EYA2: variants seen among roughly 807,000 people sequenced by gnomAD.
The protein encoded by EYA2 is EYA transcriptional coactivator and phosphatase 2.
EYA2 carries 31 observed loss-of-function variants against 69.2 expected under a neutral mutation model. The observed-to-expected ratio is 0.45, with a 90% CI of 0.34 to 0.60. The LOEUF (loss-of-function observed/expected upper bound fraction) is 0.60. EYA2 is among the 20% of genes least tolerant of loss of function. The pLI is 0.02. For synonymous variants in EYA2, 257 were observed against 279.4 expected (o/e 0.92, Z 0.80); for missense variants, 622 against 701.2 (o/e 0.89, Z 1.28).
At chr20:47,096,454 G>A (rs2032248867) in intron 8 of EYA2, among the ~76,000 whole-genome samples, 1 of 152,180 alleles carries the variant, frequency 6.6e-6, no homozygotes, top group Non-Finnish European at 1.5e-5. Context: ...ATGGGAAAAG[G>A]TAGGGACTCC....
chr20:47,125,704 A>G (rs2033172353), intron 9 of EYA2, among the ~76,000 whole-genome samples: 1 of 152,226 alleles, frequency 6.6e-6, no homozygotes, highest in African/African-American at 2.4e-5. Flanking sequence ...GACACTTCCA[A>G]GAGATAAACC....
At chr20:47,028,247 C>G (rs1984208557) in intron 5 of EYA2, among the ~76,000 whole-genome samples, 1 of 152,224 alleles carries the variant, frequency 6.6e-6, no homozygotes, top group East Asian at 1.9e-4. Flanking sequence ...ACTTCTTGGA[C>G]TCCAGAACTA....
At position 47,188,305 on chromosome 20, in the gene EYA2, T is replaced by C; in HGVS notation, c.*172T>C. 1.6e-6 allele frequency: 1 copy of C among 635,122 alleles called. No individual in the cohort carries two copies. The highest frequency in any genetic ancestry group is 2.8e-6 in the Non-Finnish European group (1 of 359,906). 39.3% of individuals were successfully genotyped at this position (635,122 alleles called of 1,614,324 possible). A position where few individuals can be genotyped will look rare whatever the true frequency, so the allele number is the denominator to read the frequency against. ...AGCCGTCCATCAGTCCAAATGGGGG[T>C]TCTGAGAAGGAAAGTACCCAACATT... On this transcript the variant is annotated 3_prime_UTR_variant, in exon 16 of 16. Transcript: ENST00000327619.
At chr20:47,130,400 G>GA (rs1217793623) in intron 9 of EYA2, among the ~76,000 whole-genome samples, 1 of 149,616 alleles carries the variant, frequency 6.7e-6, no homozygotes, top group East Asian at 2.0e-4. Flanking sequence ...GAGTAGCTGG[G>GA]ACTACAGGCG....
intron 1 of EYA2, among the ~76,000 whole-genome samples, chr20:46,954,509 T>G (rs1269011344): frequency 6.6e-6 from 1 of 152,250 alleles, no homozygotes; most frequent in East Asian, 1.9e-4. Context: ...ACAAAAGATT[T>G]GCGTAGCACG....
intron 6 of EYA2, 114 bp from the exon 7 acceptor site, chr20:47,074,044 C>A: frequency 9.8e-7 from 1 of 1,023,960 alleles, no homozygotes; most frequent in Non-Finnish European, 1.4e-6. Flanking sequence ...AAGACAGTTT[C>A]TGCCCACAGA....
chr20:46,942,424 A>G (rs1367083698), intron 1 of EYA2, among the ~76,000 whole-genome samples: 3 of 151,922 alleles, frequency 2.0e-5, no homozygotes, highest in Non-Finnish European at 4.4e-5. Context: ...TACCATTTTT[A>G]GGGGGGGAAA....
chr20:46,895,756 C>T (rs529874924), intron 1 of EYA2, among the ~76,000 whole-genome samples: 1 of 152,244 alleles, frequency 6.6e-6, no homozygotes, highest in African/African-American at 2.4e-5. Context: ...TGCCTGCCTC[C>T]CCCCCAGCAA....
chr20:46,968,117 G>T (rs1286691590), intron 1 of EYA2, among the ~76,000 whole-genome samples: 5 of 152,198 alleles, frequency 3.3e-5, no homozygotes, highest in African/African-American at 1.2e-4. Flanking sequence ...TTCCTGCTTA[G>T]AGTAGGGCCA....
At chr20:47,141,876 CCTT>C (rs1440039710) in intron 9 of EYA2, among the ~76,000 whole-genome samples, 1 of 152,194 alleles carries the variant, frequency 6.6e-6, no homozygotes, top group Non-Finnish European at 1.5e-5. Flanking sequence ...CGTATGTGCT[CCTT>C]CTTGTAGCAC....
chr20:47,167,418 G>A (rs372647093), intron 10 of EYA2, among the ~76,000 whole-genome samples: 45 of 151,518 alleles, frequency 3.0e-4, no homozygotes, highest in African/African-American at 1.1e-3. Context: ...AAGTAGCTGG[G>A]ACCACAGATG....
At chr20:47,074,414 C>A in intron 7 of EYA2, 79 bp downstream of exon 7, 1 of 1,438,538 alleles carries the variant, frequency 7.0e-7, no homozygotes, top group South Asian at 1.3e-5. Flanking sequence ...ACATGGGTCC[C>A]AATTGTAACA....
intron 12 of EYA2, among the ~76,000 whole-genome samples, chr20:47,173,509 TAAAAAAAAAA>T (rs767756028): frequency 1.2e-5 from 1 of 83,650 alleles, no homozygotes; most frequent in South Asian, 4.8e-4. Context: ...TGAGACCCCG[TAAAAAAAAAA>T]AAAAAAAAAA....
chr20:47,069,219 C>T (rs928107293), intron 5 of EYA2, among the ~76,000 whole-genome samples: 2 of 152,174 alleles, frequency 1.3e-5, no homozygotes, highest in African/African-American at 4.8e-5. Flanking sequence ...ATAGGCCGGG[C>T]TCAGTGGCTC....
intron 1 of EYA2, among the ~76,000 whole-genome samples, chr20:46,940,125 C>T (rs1186352129): frequency 6.6e-6 from 1 of 152,226 alleles, no homozygotes; most frequent in Non-Finnish European, 1.5e-5. Flanking sequence ...AAGGCTCAAT[C>T]TGGCCCTTCC....
chr20:47,051,109 C>G (rs753511431), intron 5 of EYA2, among the ~76,000 whole-genome samples: 13 of 152,264 alleles, frequency 8.5e-5, no homozygotes, highest in Non-Finnish European at 1.5e-4. Flanking sequence ...AGATGTTGGC[C>G]TCTGTTTGCC....
At chr20:47,024,488 G>A (rs1400608333) in intron 5 of EYA2, among the ~76,000 whole-genome samples, 3 of 152,208 alleles carry the variant, frequency 2.0e-5, no homozygotes, top group African/African-American at 7.2e-5. Flanking sequence ...TCAGCCCTGG[G>A]TAGTTTCCTT....
chr20:46,965,861 T>G (rs1387396016), intron 1 of EYA2, among the ~76,000 whole-genome samples: 1 of 152,240 alleles, frequency 6.6e-6, no homozygotes, highest in Non-Finnish European at 1.5e-5. Context: ...TGGGACCTTC[T>G]GGCTACCTGG....
chr20:46,904,028 T>G lies in EYA2; in HGVS notation c.-11+9041T>G, dbSNP rs549456886. Among the ~76,000 whole-genome samples, 102 of 152,302 alleles carry G rather than the reference T, an allele frequency of 6.7e-4. 1 individual carries two copies. The highest frequency in any genetic ancestry group is 2.4e-3 in the African/African-American group (100 of 41,570). On this transcript the variant is annotated intron_variant, in intron 1 of 15. Coordinates refer to ENST00000327619, the MANE Select transcript of EYA2 (RefSeq NM_005244.5). ...AAGCTATTGATCAGTTGAGTCATTT[T>G]AGGTATCGAGAGAATGTTGGGCAGT... is the stretch of plus-strand genomic sequence containing the variant.
Sources: gnomAD v4.1 joint callset for allele counts (sites outside exome capture counted in the v4.1 genomes callset) on GRCh38, gnomAD v4.1.1 for gene constraint, MANE v1.5 for transcripts, NCBI Gene and HGNC (gene_info 2026-07-23, HGNC 2026-07-21) for gene names.